The following ANK3 variants were observed in gnomAD, a reference collection of about 807,000 sequenced individuals.
ANK3 encodes ankyrin-3.
In ANK3, 57 loss-of-function variants were observed where a neutral mutation model predicts 370.9. That is an observed-to-expected ratio of 0.15 (90% CI 0.12 to 0.19). The LOEUF (loss-of-function observed/expected upper bound fraction) is 0.19, where lower values mean the gene tolerates loss of function less well. Ranked by LOEUF, ANK3 falls within the 10% of genes least tolerant of loss-of-function variation. ANK3 has a pLI of 1.00. For synonymous variants in ANK3, 1,929 were observed against 1,946.3 expected (o/e 0.99, Z 0.23); for missense variants, 4,439 against 5,302.1 (o/e 0.84, Z 5.06).
intron 23 of ANK3, among the ~76,000 whole-genome samples, chr10:60,146,184 C>T (rs1252886752): frequency 6.6e-6 from 1 of 152,150 alleles, no homozygotes; most frequent in African/African-American, 2.4e-5. Flanking sequence ...AGTGGATATC[C>T]AGCAAGCAAG....
chr10:60,118,769 A>C (rs1336085672), intron 25 of ANK3, among the ~76,000 whole-genome samples: 1 of 152,198 alleles, frequency 6.6e-6, no homozygotes, highest in African/African-American at 2.4e-5. Context: ...TAAATAAATA[A>C]TATCATTCCT....
intron 18 of ANK3, among the ~76,000 whole-genome samples, chr10:60,176,009 T>C (rs928437999): frequency 6.6e-6 from 1 of 151,998 alleles, no homozygotes; most frequent in African/African-American, 2.4e-5. Flanking sequence ...ATAAATATTT[T>C]AAATCTTTGG....
intron 7 of ANK3, among the ~76,000 whole-genome samples, chr10:60,243,205 G>A (rs1285947452): frequency 6.6e-6 from 1 of 152,106 alleles, no homozygotes; most frequent in Non-Finnish European, 1.5e-5. Flanking sequence ...TCTCTTATCT[G>A]TAAAATTAGG....
chr10:60,407,124 C>A lies in ANK3; in HGVS notation c.97-127485G>T, dbSNP rs143468863. Among the ~76,000 whole-genome samples, 5 of 152,314 alleles carry A rather than the reference C, an allele frequency of 3.3e-5. No individual in the cohort carries two copies. The East Asian group carries it at 9.6e-4, about 29-fold the overall frequency. On this transcript the variant is annotated intron_variant, in intron 2 of 43. Transcript: ENST00000373827. ...GTATCACATGAAAGTCCCAGTTACT[C>A]TTTCTCACACTAAACTAGAGCAAAC...
intron 2 of ANK3, among the ~76,000 whole-genome samples, chr10:60,545,600 T>C (rs1228069019): frequency 6.6e-6 from 1 of 152,068 alleles, no homozygotes; most frequent in African/African-American, 2.4e-5. Context: ...TTCTCATGAA[T>C]GTGTAAGATT....
At chr10:60,152,027 G>A (rs944770372) in intron 23 of ANK3, among the ~76,000 whole-genome samples, 2 of 152,068 alleles carry the variant, frequency 1.3e-5, no homozygotes, top group African/African-American at 2.4e-5. Context: ...TGTTTCTGAT[G>A]GTGAGAGTAT....
intron 1 of ANK3, among the ~76,000 whole-genome samples, chr10:60,676,095 A>G (rs2079121611): frequency 6.6e-6 from 1 of 152,148 alleles, no homozygotes; most frequent in Admixed American, 6.5e-5. Context: ...TACCTCAAAA[A>G]GGCTTATTTA....
intron 2 of ANK3, among the ~76,000 whole-genome samples, chr10:60,611,723 C>A (rs2078204258): frequency 6.6e-6 from 1 of 151,366 alleles, no homozygotes; most frequent in Admixed American, 6.6e-5. Flanking sequence ...AAATCGAATG[C>A]CCTGACAGCA....
chr10:60,619,321 C>G (rs1233365506), intron 1 of ANK3, among the ~76,000 whole-genome samples: 4 of 152,066 alleles, frequency 2.6e-5, no homozygotes, highest in African/African-American at 9.7e-5. Flanking sequence ...CCTCCCTAAC[C>G]CTGCCTCCAA....
chr10:60,532,296 G>T (rs1025746108), intron 2 of ANK3, among the ~76,000 whole-genome samples: 1 of 152,070 alleles, frequency 6.6e-6, no homozygotes, highest in South Asian at 2.1e-4. Flanking sequence ...GCAGGCACCA[G>T]AATGCTAAAT....
intron 2 of ANK3, among the ~76,000 whole-genome samples, chr10:60,521,516 T>C (rs1335312228): frequency 6.6e-6 from 1 of 152,012 alleles, no homozygotes; most frequent in Non-Finnish European, 1.5e-5. Context: ...CAAAATATAA[T>C]TAGAAAATTC....
At chr10:60,180,614 C>CAAA (rs1565505994) in intron 18 of ANK3, among the ~76,000 whole-genome samples, 19 of 75,186 alleles carry the variant, frequency 2.5e-4, no homozygotes, top group African/African-American at 8.8e-4. Flanking sequence ...AAAAAAAAAA[C>CAAA]CAAAAAAAAA....
chr10:60,351,014 CA>C (rs1434152740), intron 1 of ANK3, among the ~76,000 whole-genome samples: 2 of 142,576 alleles, frequency 1.4e-5, no homozygotes, highest in African/African-American at 2.5e-5. Flanking sequence ...CAATACCATT[CA>C]GGGGGCATAT....
chr10:60,092,432 T>A (rs2088803317), intron 28 of ANK3, among the ~76,000 whole-genome samples: 1 of 152,216 alleles, frequency 6.6e-6, no homozygotes, highest in Non-Finnish European at 1.5e-5. Flanking sequence ...AATACATCTT[T>A]TTCATTTTAC....
At chr10:60,152,158 A>C (rs1438199876) in intron 23 of ANK3, among the ~76,000 whole-genome samples, 1 of 152,256 alleles carries the variant, frequency 6.6e-6, no homozygotes, top group African/African-American at 2.4e-5. Flanking sequence ...GATAGACACC[A>C]GGACAACTCT....
chr10:60,196,647 A>AC, intron 14 of ANK3, 22 bp from the exon 15 acceptor site: 1 of 1,427,150 alleles, frequency 7.0e-7, no homozygotes, highest in Non-Finnish European at 9.7e-7. Flanking sequence ...AAAACATAAA[A>AC]ATAATGAACA....
chr10:60,374,511 T>C (rs764568454), intron 1 of ANK3, among the ~76,000 whole-genome samples: 6 of 152,012 alleles, frequency 3.9e-5, no homozygotes, highest in Non-Finnish European at 8.8e-5. Context: ...AGTGACAAAG[T>C]AGGGTATGCT....
At chr10:60,445,411 G>A (rs958077238) in intron 2 of ANK3, among the ~76,000 whole-genome samples, 4 of 151,692 alleles carry the variant, frequency 2.6e-5, no homozygotes, top group Non-Finnish European at 1.5e-5. Flanking sequence ...AAGCAAGCAA[G>A]CAAACAAACA....
chr10:60,423,340 C>A (rs2063816255), intron 2 of ANK3, among the ~76,000 whole-genome samples: 1 of 151,672 alleles, frequency 6.6e-6, no homozygotes, highest in African/African-American at 2.4e-5. Context: ...ATATCCATAG[C>A]TGCCTCTGAG....
Sources: allele counts gnomAD v4.1 joint callset (sites outside exome capture counted in the v4.1 genomes callset), GRCh38; gene constraint gnomAD v4.1.1; transcripts MANE v1.5; gene names NCBI Gene and HGNC (gene_info 2026-07-23, HGNC 2026-07-21).